The following CEP290 variants were observed in gnomAD, a reference collection of about 807,000 sequenced individuals.
CEP290 encodes the protein centrosomal protein of 290 kDa.
CEP290 carries 317 observed loss-of-function variants against 344.9 expected under a neutral mutation model. The ratio of observed to expected loss-of-function variants is 0.92; its 90% CI spans 0.84 to 1.01. The LOEUF is 1.01. CEP290 is among the 50% of genes least tolerant of loss of function. The pLI is 0.00. For synonymous variants in CEP290, 932 were observed against 895.8 expected (o/e 1.04, Z -0.72); for missense variants, 2,754 against 2,761.4 (o/e 1.00, Z 0.06).
intron 50 of CEP290, among the ~76,000 whole-genome samples, chr12:88,054,738 T>C (rs1282339588): frequency 1.3e-5 from 2 of 152,020 alleles, no homozygotes; most frequent in Non-Finnish European, 2.9e-5. Context: ...GGAAGAGCTA[T>C]CAAGAAAAAA....
At chr12:88,125,100 A>G (rs978643713) in intron 13 of CEP290, 146 bp downstream of exon 13, 1 of 285,058 alleles carries the variant, frequency 3.5e-6, no homozygotes, top group Non-Finnish European at 6.4e-6. Context: ...TAATATAAGT[A>G]TAATAATAAA....
In CEP290 at chr12:88,125,332, G is replaced by T; in HGVS notation, c.1103C>A (p.Thr368Asn). The change falls in exon 13 of 54, where the codon ACC (threonine) becomes AAC (asparagine). Residue 368 changes from threonine to asparagine, a missense_variant. Coordinates refer to ENST00000552810, the MANE Select transcript of CEP290 (RefSeq NM_025114.4). ...QERDSQIKML[T>N]EQVEQYTKEM... is the part of the protein sequence containing the mutation. Reference sequence around the variant, plus strand: ...TTTTGTATATTGTTCTACTTGTTCGGTGAGCATCTTAATTTGACTGTCTCG... The same window carrying T: ...TTTTGTATATTGTTCTACTTGTTCGTTGAGCATCTTAATTTGACTGTCTCG... 1 of 1,314,946 alleles carries T rather than the reference G, an allele frequency of 7.6e-7. No individual in the cohort carries two copies. The highest frequency in any genetic ancestry group is 2.2e-5 in the South Asian group (1 of 46,438). 81.5% of individuals were successfully genotyped at this position (1,314,946 alleles called of 1,614,324 possible). A position where few individuals can be genotyped will look rare whatever the true frequency, so the allele number is the denominator to read the frequency against.
chr12:88,053,166 A>T (rs2033705120), intron 52 of CEP290, among the ~76,000 whole-genome samples: 1 of 152,190 alleles, frequency 6.6e-6, no homozygotes, highest in Non-Finnish European at 1.5e-5. Context: ...ATATATGTAT[A>T]CAAAATATGT....
At chr12:88,075,018 G>C (rs946418678) in intron 41 of CEP290, among the ~76,000 whole-genome samples, 3 of 152,168 alleles carry the variant, frequency 2.0e-5, no homozygotes, top group African/African-American at 7.2e-5. Flanking sequence ...CCAAAGCTGG[G>C]GGCTGGGGAT....
In CEP290 at chr12:88,130,541, TC is replaced by T. The variant is rs767003390; in HGVS notation, c.516+3del. ...CCAAGATTTCACCACACTTAAAGCCTCACCTTTTTCTTTAGACGTTTGTTCT... is the reference window on the plus strand; with the variant it reads ...CCAAGATTTCACCACACTTAAAGCCTACCTTTTTCTTTAGACGTTTGTTCT... On this transcript the variant is annotated splice_donor_region_variant and intron_variant, in intron 8 of 53. Coordinates refer to ENST00000552810, the MANE Select transcript of CEP290 (RefSeq NM_025114.4). 2 of 1,595,066 alleles carry T rather than the reference TC, an allele frequency of 1.3e-6. No homozygotes were observed. The highest frequency in any genetic ancestry group is 4.5e-5 in the East Asian group (2 of 44,252).
chr12:88,078,699 T>C (rs1404158377), intron 39 of CEP290, among the ~76,000 whole-genome samples: 1 of 152,056 alleles, frequency 6.6e-6, no homozygotes, highest in Non-Finnish European at 1.5e-5. Flanking sequence ...TCAATATAGG[T>C]TCATCAATTT....
chr12:88,124,806 T>TA, intron 13 of CEP290, among the ~76,000 whole-genome samples: 1 of 152,090 alleles, frequency 6.6e-6, no homozygotes, highest in East Asian at 1.9e-4. Context: ...TTTGATGTGT[T>TA]AAAAAAGGTA....
chr12:88,121,029 C>A lies in CEP290; in HGVS notation c.1327G>T (p.Glu443Ter). Reference protein sequence around the residue: ...DAREKDKELVEALKRLKDYES... With the variant: ...DAREKDKELV Reference sequence around the variant, plus strand: ...TAATCTTTTAACCTCTTCAGAGCCTCAACTAATTCTTTATCCTTTTCCCTA... The same window carrying A: ...TAATCTTTTAACCTCTTCAGAGCCTAAACTAATTCTTTATCCTTTTCCCTA... Residue 443 changes from glutamate to a stop codon, truncating the protein, a stop_gained, in exon 14 of 54, where the codon GAG (glutamate) becomes TAG (stop). Coordinates refer to ENST00000552810, the MANE Select transcript of CEP290 (RefSeq NM_025114.4). LOFTEE classifies it high-confidence loss of function. 6.2e-7 allele frequency: 1 copy of A among 1,613,260 alleles called. No individual in the cohort carries two copies. Among genetic ancestry groups the A allele is most frequent in the Admixed American group, 1.7e-5 (1 of 59,944 alleles).
rs2038919082 is a variant in CEP290 at position 88,114,482 on chromosome 12, C to A, written c.1990G>T (p.Asp664Tyr). The change falls in exon 20 of 54, where the codon GAT becomes TAT. Residue 664 changes from aspartate to tyrosine, a missense_variant. Coordinates refer to ENST00000552810, the MANE Select transcript of CEP290 (RefSeq NM_025114.4). ...GTTTCTCCTCCTTTAACATCAGGAT[C>A]TTTCTGCATTTCCTTAATTGCTTGC... ...ILQAIKEMQK[D>Y]PDVKGGETSL... 6.5e-7 allele frequency: 1 copy of A among 1,548,438 alleles called. No individual in the cohort carries two copies. The highest frequency in any genetic ancestry group is 2.5e-5 in the East Asian group (1 of 40,756).
chr12:88,136,354 G>C, intron 6 of CEP290: 1 of 331,644 alleles, frequency 3.0e-6, no homozygotes, highest in Non-Finnish European at 5.5e-6. Flanking sequence ...TTAGTTACTT[G>C]ATACCAATCT....
intron 21 of CEP290, 84 bp downstream of exon 21, chr12:88,111,610 G>T: frequency 8.6e-7 from 1 of 1,156,836 alleles, no homozygotes; most frequent in Non-Finnish European, 1.2e-6. Flanking sequence ...TTCTCATAAA[G>T]CATTCTTTTT....
At chr12:88,117,281 T>A in intron 17 of CEP290, 136 bp from the exon 18 acceptor site, 1 of 547,706 alleles carries the variant, frequency 1.8e-6, no homozygotes, top group Non-Finnish European at 3.2e-6. Context: ...TCCAAAATTC[T>A]ACATAGCCAA....
chr12:88,093,545 A>C lies in CEP290; in HGVS notation c.3309+225T>G, dbSNP rs76560287. ...ATTGTTTAGTAAATAACATTTCATA[A>C]ATTAAATCTAATAATATAACATTGG... is the stretch of plus-strand genomic sequence containing the variant. On this transcript the variant is annotated intron_variant, in intron 28 of 53. Coordinates refer to ENST00000552810, the MANE Select transcript of CEP290 (RefSeq NM_025114.4). 0.017 allele frequency: 7,673 copies of C among 442,542 alleles called. 463 individuals carry two copies. Among genetic ancestry groups the C allele is most frequent in the African/African-American group, 0.14 (6,757 of 49,808 alleles). The allele number at this position is 442,542 out of a possible 1,614,324, so 27.4% of individuals were successfully genotyped here. A position where few individuals can be genotyped will look rare whatever the true frequency, so the allele number is the denominator to read the frequency against.
Position 88,068,574 on chromosome 12 carries a change from T to C in CEP290, c.6083A>G (p.Lys2028Arg), listed in dbSNP as rs749626770. ...LHLQNRYLQE[K>R]LHALEKQFSK... ...AAACTGTTTTTCTAAAGCATGAAGT[T>C]TTTCTTGGAGGTATCTATTTTGTAA... The change falls in exon 44 of 54, where the codon AAA becomes AGA. Residue 2028 changes from lysine to arginine, a missense_variant. Lys to Arg is a conservative substitution (Grantham distance 26). Coordinates refer to ENST00000552810, the MANE Select transcript of CEP290 (RefSeq NM_025114.4). 2 of 1,589,422 alleles carry C rather than the reference T, an allele frequency of 1.3e-6. No homozygotes were observed. The highest frequency in any genetic ancestry group is 2.4e-5 in the South Asian group (2 of 85,010).
chr12:88,075,961 T>C (rs1233204065), intron 41 of CEP290, among the ~76,000 whole-genome samples: 1 of 152,088 alleles, frequency 6.6e-6, no homozygotes, highest in Non-Finnish European at 1.5e-5. Context: ...TAAGGAGGAA[T>C]AAACTGAATA....
chr12:88,055,600 TTTG>T lies in CEP290; in HGVS notation c.6933_6935del (p.Asn2311del). 3 of 1,580,232 alleles carry T rather than the reference TTTG, an allele frequency of 1.9e-6. No homozygotes were observed. Among genetic ancestry groups the T allele is most frequent in the South Asian group, 1.2e-5 (1 of 85,070 alleles). On this transcript the variant is annotated inframe_deletion, in exon 50 of 54. Transcript: ENST00000552810. ...CCTGTTGTTCAAGGTCTTCATTGTATTTGTTAACTTTTTGTTCTCTCTCTGTTG... is the reference window on the plus strand; with the variant it reads ...CCTGTTGTTCAAGGTCTTCATTGTATTTAACTTTTTGTTCTCTCTCTGTTG...
intron 52 of CEP290, among the ~76,000 whole-genome samples, chr12:88,052,175 C>T (rs1314631023): frequency 6.6e-6 from 1 of 152,088 alleles, no homozygotes; most frequent in East Asian, 1.9e-4. Flanking sequence ...ACATAGCATA[C>T]TGAAAAAGCT....
In CEP290 at chr12:88,096,940, G is replaced by A; in HGVS notation, c.3051C>T (p.Thr1017=). ...VESINKELEI[T]KEKLHTIEQA... is the part of the protein sequence containing the mutation. ...GTTCAATAGTGTGAAGTTTTTCCTTGGTAATCTCCAGTTCTTTATTTATAG... is the reference window on the plus strand; with the variant it reads ...GTTCAATAGTGTGAAGTTTTTCCTTAGTAATCTCCAGTTCTTTATTTATAG... Residue 1017 remains threonine, a synonymous_variant, in exon 27 of 54, where the codon ACC becomes ACT. Coordinates refer to ENST00000552810, the MANE Select transcript of CEP290 (RefSeq NM_025114.4). The A allele has an allele frequency of 6.3e-7, 1 of 1,581,840 alleles. No homozygotes were observed.
At chr12:88,129,224 G>T (rs2039923236) in intron 10 of CEP290, among the ~76,000 whole-genome samples, 189 bp from the exon 11 acceptor site, 1 of 151,608 alleles carries the variant, frequency 6.6e-6, no homozygotes, top group Admixed American at 6.6e-5. Flanking sequence ...AGTCATCCTG[G>T]AATTATAGGT....
Sources: gnomAD v4.1 joint callset for allele counts (sites outside exome capture counted in the v4.1 genomes callset) on GRCh38, gnomAD v4.1.1 for gene constraint, MANE v1.5 for transcripts, NCBI Gene and HGNC (gene_info 2026-07-23, HGNC 2026-07-21) for gene names.